Variants in HADHA observed in about 807,000 individuals in gnomAD.
HADHA encodes the protein trifunctional enzyme subunit alpha, mitochondrial.
In HADHA, 59 loss-of-function variants were observed where a neutral mutation model predicts 91.3. That is an observed-to-expected ratio of 0.65 (90% CI 0.52 to 0.80). The LOEUF (loss-of-function observed/expected upper bound fraction) is 0.80. HADHA is among the 30% of genes least tolerant of loss of function. The probability of loss-of-function intolerance (pLI) is 0.00; values close to 1 mark genes in which losing one functional copy is unlikely to be tolerated. For synonymous variants in HADHA, 320 were observed against 338.9 expected (o/e 0.94, Z 0.61); for missense variants, 800 against 927.6 (o/e 0.86, Z 1.79).
intron 7 of HADHA, among the ~76,000 whole-genome samples, chr2:26,222,535 A>G (rs927177789): frequency 6.6e-6 from 1 of 152,214 alleles, no homozygotes; most frequent in Non-Finnish European, 1.5e-5. Context: ...TATGGATAGC[A>G]GTCAGCATCT....
In HADHA at chr2:26,191,368, C is replaced by T. The variant is rs1311935374; in HGVS notation, c.2174G>A (p.Gly725Asp). ...GGPFRFVDLY[G>D]AQKIVDRLKK... ...GAGCCGGTCCACTATCTTCTGGGCG[C>T]CATACAGATCCACAAAGCGGAAAGG... Residue 725 changes from glycine to aspartate, a missense_variant, in exon 20 of 20, where the codon GGC becomes GAC. Transcript: ENST00000380649. 1.9e-6 allele frequency: 3 copies of T among 1,614,044 alleles called. No homozygotes were observed. The highest frequency in any genetic ancestry group is 2.2e-5 in the East Asian group (1 of 44,894).
Position 26,214,285 on chromosome 2 carries a change from C to G in HADHA, c.918+158G>C, listed in dbSNP as rs574250309. 2.0e-5 allele frequency among the ~76,000 whole-genome samples: 3 copies of G among 152,162 alleles called. No individual in the cohort carries two copies. Among genetic ancestry groups the G allele is most frequent in the East Asian group, 3.8e-4 (2 of 5,198 alleles). ...ATATATCACTTTATATGAGTCCTTA[C>G]AGCTTGCTATGCCCTTCCCTTATTT... On this transcript the variant is annotated intron_variant, in intron 9 of 19. Coordinates refer to ENST00000380649, the MANE Select transcript of HADHA (RefSeq NM_000182.5). The surrounding 1 kb of genome is among the most constrained non-coding windows in gnomAD (Gnocchi z 4.1).
At chr2:26,193,098 C>T (rs193281345) in intron 17 of HADHA, among the ~76,000 whole-genome samples, 2 of 152,204 alleles carry the variant, frequency 1.3e-5, no homozygotes, top group East Asian at 3.9e-4. Context: ...ATTCTCCTCA[C>T]AGGTGGCCAG....
At chr2:26,237,611 G>A (rs1670792489) in intron 3 of HADHA, among the ~76,000 whole-genome samples, 1 of 152,094 alleles carries the variant, frequency 6.6e-6, no homozygotes, top group Non-Finnish European at 1.5e-5. Flanking sequence ...CTAGGCAACA[G>A]AATGAGACCC....
intron 7 of HADHA, among the ~76,000 whole-genome samples, chr2:26,228,733 G>A (rs1670541739): frequency 6.6e-6 from 1 of 152,140 alleles, no homozygotes; most frequent in Non-Finnish European, 1.5e-5. Context: ...GTGCAGTGGT[G>A]TGATCATAGC....
intron 13 of HADHA, among the ~76,000 whole-genome samples, chr2:26,199,693 C>T (rs1051784070): frequency 7.2e-5 from 11 of 152,270 alleles, no homozygotes; most frequent in African/African-American, 2.4e-4. Flanking sequence ...CTGTGGGGCC[C>T]GGTAGCCTCT....
chr2:26,225,061 C>T (rs992672554), intron 7 of HADHA, among the ~76,000 whole-genome samples: 2 of 152,086 alleles, frequency 1.3e-5, no homozygotes, highest in Admixed American at 6.6e-5. Context: ...ACCTGAATAG[C>T]CCTATATCTA....
chr2:26,244,441 G>T, intron 1 of HADHA, 89 bp downstream of exon 1: 4 of 1,313,592 alleles, frequency 3.0e-6, no homozygotes, highest in Non-Finnish European at 4.3e-6. Flanking sequence ...GGGGCAGGCG[G>T]CAGCGAAAGG....
Position 26,230,298 on chromosome 2 carries a change from A to C in HADHA, c.574-4T>G, listed in dbSNP as rs1670591123. On this transcript the variant is annotated splice_polypyrimidine_tract_variant and splice_region_variant and intron_variant, in intron 6 of 19. Coordinates refer to ENST00000380649, the MANE Select transcript of HADHA (RefSeq NM_000182.5). ...CCAAAGCAGCAGGCACACCCACCTAACAGGCAAGCAAGGATGAGAATATAG... is the reference window on the plus strand; with the variant it reads ...CCAAAGCAGCAGGCACACCCACCTACCAGGCAAGCAAGGATGAGAATATAG... 3.2e-6 allele frequency: 5 copies of C among 1,585,064 alleles called. No individual in the cohort carries two copies. The Admixed American group carries it at 5.0e-5, about 16-fold the overall frequency.
Position 26,244,532 on chromosome 2 carries a change from C to T in HADHA, c.65G>A (p.Arg22Gln). ...GGATGCCCTCGGCCAGGCCTCACCT[C>T]GGGAGCGGAGGATCCTGAAGGCAGA... is the stretch of plus-strand genomic sequence containing the variant. ...RFSAFRILRS[R>Q]GYICRNFTGS... The change falls in exon 1 of 20, where the codon CGA becomes CAA. Residue 22 changes from arginine to glutamine, a missense_variant and splice_region_variant. By Grantham distance (43) the Arg-to-Gln change is conservative (BLOSUM62 1). Coordinates refer to ENST00000380649, the MANE Select transcript of HADHA (RefSeq NM_000182.5). The T allele has an allele frequency of 3.2e-6, 5 of 1,579,026 alleles. No homozygotes were observed. The highest frequency in any genetic ancestry group is 4.3e-6 in the Non-Finnish European group (5 of 1,161,874).
Position 26,210,004 on chromosome 2 carries a change from T to G in HADHA, c.976-115A>C. 1.3e-6 allele frequency: 1 copy of G among 742,934 alleles called. No homozygotes were observed. The highest frequency in any genetic ancestry group is 2.5e-6 in the Non-Finnish European group (1 of 406,238). The allele number at this position is 742,934 out of a possible 1,614,324, so 46.0% of individuals were successfully genotyped here. On this transcript the variant is annotated intron_variant, in intron 10 of 19. Transcript: ENST00000380649. This position sits in a 1 kb window ranked among gnomAD's most constrained non-coding sequence, Gnocchi z 4.0. ...GTAATGCATGTGAAGCCTGAGTCCC[T>G]GGGGATGCGGGGGAGTTTGGGGGTT...
intron 7 of HADHA, among the ~76,000 whole-genome samples, chr2:26,217,255 T>C (rs770312158): frequency 2.6e-5 from 4 of 151,382 alleles, no homozygotes; most frequent in Non-Finnish European, 5.9e-5. Context: ...ATCAGGAAAC[T>C]TGAACACATG....
chr2:26,208,534 A>G (rs1670020507), intron 11 of HADHA, among the ~76,000 whole-genome samples: 1 of 152,136 alleles, frequency 6.6e-6, no homozygotes, highest in Non-Finnish European at 1.5e-5. Flanking sequence ...GTGTACATGG[A>G]GGGATACGGT....
rs1171989328 is a variant in HADHA, at chr2:26,212,638, A to G, written c.919-12T>C. On this transcript the variant is annotated splice_polypyrimidine_tract_variant and intron_variant, in intron 9 of 19. Coordinates refer to ENST00000380649, the MANE Select transcript of HADHA (RefSeq NM_000182.5). The stretch of plus-strand genomic sequence containing the variant: ...CCAGTCTTTACCACCTAAAAAACAT[A>G]TAAAGCACTTGCTCAGCGTTGGAAT... 2.5e-6 allele frequency: 4 copies of G among 1,573,760 alleles called. No individual in the cohort carries two copies. The highest frequency in any genetic ancestry group is 3.5e-6 in the Non-Finnish European group (4 of 1,143,024).
chr2:26,236,577 C>A (rs1332191024), intron 4 of HADHA, among the ~76,000 whole-genome samples: 2 of 151,620 alleles, frequency 1.3e-5, no homozygotes, highest in Non-Finnish European at 2.9e-5. Context: ...TGCCACCATG[C>A]CTAATTTTTG....
At chr2:26,238,278 A>T (rs1036327204) in intron 3 of HADHA, among the ~76,000 whole-genome samples, 1 of 152,178 alleles carries the variant, frequency 6.6e-6, no homozygotes, top group African/African-American at 2.4e-5. Context: ...TGTTGGGATT[A>T]TAGGTGTGAG....
chr2:26,190,756 C>A lies in HADHA; in HGVS notation c.*494G>T, dbSNP rs886055856. The A allele has an allele frequency of 4.7e-6, 1 of 211,950 alleles. No homozygotes were observed. Among genetic ancestry groups the A allele is most frequent in the Non-Finnish European group, 9.6e-6 (1 of 104,456 alleles). The allele number at this position is 211,950 out of a possible 1,614,324, so 13.1% of individuals were successfully genotyped here. A position where few individuals can be genotyped will look rare whatever the true frequency, so the allele number is the denominator to read the frequency against. ...AGGTCCCACTTTCTCTCATCCCAGT[C>A]CCTCCCTAAGGTGCTGCCTAGAATT... On this transcript the variant is annotated 3_prime_UTR_variant, in exon 20 of 20. Coordinates refer to ENST00000380649, the MANE Select transcript of HADHA (RefSeq NM_000182.5).
rs1013194171 is a variant in HADHA at position 26,191,068 on chromosome 2, G to A, written c.*182C>T. On this transcript the variant is annotated 3_prime_UTR_variant, in exon 20 of 20. Transcript: ENST00000380649. ...TCCAACAGGAAGTGCAAACTAATTC[G>A]AAGTCACACTTCACCAGGAGGGAGA... is the stretch of plus-strand genomic sequence containing the variant. The A allele has an allele frequency of 7.5e-6, 5 of 670,242 alleles. No individual in the cohort carries two copies. Among genetic ancestry groups the A allele is most frequent in the African/African-American group, 5.3e-5 (3 of 56,344 alleles). The allele number at this position is 670,242 out of a possible 1,614,324, so 41.5% of individuals were successfully genotyped here.
chr2:26,219,449 GA>G (rs764618312), intron 7 of HADHA, among the ~76,000 whole-genome samples: 11 of 152,170 alleles, frequency 7.2e-5, no homozygotes, highest in Non-Finnish European at 1.3e-4. Context: ...TAATCCAAAA[GA>G]AAGCAGGAAG....
Sources: gnomAD v4.1 joint callset for allele counts (sites outside exome capture counted in the v4.1 genomes callset) on GRCh38, gnomAD v4.1.1 for gene constraint, Gnocchi (gnomAD v3.1) non-coding constraint, MANE v1.5 for transcripts, NCBI Gene and HGNC (gene_info 2026-07-23, HGNC 2026-07-21) for gene names.